Variants in LURAP1L observed in about 807,000 individuals in gnomAD.
LURAP1L encodes leucine rich adaptor protein 1 like.
A neutral mutation model predicts 13.8 loss-of-function variants in LURAP1L; 12 were observed. The ratio of observed to expected loss-of-function variants is 0.87; its 90% CI spans 0.56 to 1.41. LURAP1L has a LOEUF of 1.41. Among genes scored for constraint, LURAP1L ranks in the 40% most tolerant of loss-of-function variants. The probability of loss-of-function intolerance (pLI) is 0.00; values close to 1 mark genes in which losing one functional copy is unlikely to be tolerated. For missense variants in LURAP1L, 375 were observed against 292.9 expected (o/e 1.28, Z -2.04); for synonymous variants, 139 against 119.2 (o/e 1.17, Z -1.08).
chr9:12,781,322 C>G (rs942304501), intron 1 of LURAP1L, among the ~76,000 whole-genome samples: 1 of 152,080 alleles, frequency 6.6e-6, no homozygotes, highest in African/African-American at 2.4e-5. Flanking sequence ...TGTAGTCACC[C>G]TGTTGTACTA....
intron 1 of LURAP1L, among the ~76,000 whole-genome samples, chr9:12,776,529 A>G (rs757859281): frequency 6.6e-6 from 1 of 151,748 alleles, no homozygotes; most frequent in East Asian, 2.0e-4. Context: ...TTCCACCAGT[A>G]CCGCTCCGCC....
chr9:12,821,491 A>T lies in LURAP1L; in HGVS notation c.418A>T (p.Ser140Cys). The T allele has an allele frequency of 6.2e-7, 1 of 1,614,196 alleles. No individual in the cohort carries two copies. Among genetic ancestry groups the T allele is most frequent in the Non-Finnish European group, 8.5e-7 (1 of 1,180,030 alleles). ...WMIEEKATIT[S>C]RGSSLSGSLC... ...GATCGAAGAAAAAGCCACCATTACC[A>T]GCAGAGGCAGCAGCCTCAGTGGCAG... is the stretch of plus-strand genomic sequence containing the variant. Residue 140 changes from serine (S) to cysteine (C), a missense_variant, in exon 2 of 2, where the codon AGC becomes TGC. Physicochemically the swap from Ser to Cys is moderately radical, Grantham distance 112. Coordinates refer to ENST00000319264, the MANE Select transcript of LURAP1L (RefSeq NM_203403.2).
chr9:12,797,023 C>A (rs915367897), intron 1 of LURAP1L, among the ~76,000 whole-genome samples: 1 of 151,968 alleles, frequency 6.6e-6, no homozygotes, highest in African/African-American at 2.4e-5. Context: ...CTATTATTAT[C>A]ACTGGGGTTC....
intron 1 of LURAP1L, among the ~76,000 whole-genome samples, chr9:12,812,078 A>G (rs1819744328): frequency 6.6e-6 from 1 of 152,226 alleles, no homozygotes; most frequent in African/African-American, 2.4e-5. Flanking sequence ...CATTTGAGAG[A>G]GTGTGCCCAA....
intron 1 of LURAP1L, among the ~76,000 whole-genome samples, chr9:12,798,461 C>G (rs1051781575): frequency 1.3e-5 from 2 of 152,190 alleles, no homozygotes; most frequent in African/African-American, 4.8e-5. Flanking sequence ...TCAATTAAGT[C>G]TGCATTGCCT....
At chr9:12,807,295 C>A (rs192877874) in intron 1 of LURAP1L, among the ~76,000 whole-genome samples, 20 of 151,926 alleles carry the variant, frequency 1.3e-4, no homozygotes, top group East Asian at 3.9e-4. Context: ...AACTAACTAA[C>A]TAAATAAATA....
intron 1 of LURAP1L, among the ~76,000 whole-genome samples, chr9:12,806,568 G>A (rs1200130347): frequency 1.3e-5 from 2 of 151,790 alleles, no homozygotes; most frequent in African/African-American, 4.8e-5. Context: ...ATTTTATCAT[G>A]GAAGAGACAT....
chr9:12,800,786 A>T lies in LURAP1L; in HGVS notation c.313-20600A>T, dbSNP rs1422492642. Among the ~76,000 whole-genome samples the T allele has an allele frequency of 2.6e-5, 4 of 152,264 alleles. No individual in the cohort carries two copies. The East Asian group carries it at 7.7e-4, about 29-fold the overall frequency. On this transcript the variant is annotated intron_variant, in intron 1 of 1. Transcript: ENST00000319264. ...CAGATGCCAGCATCATGCTTCCTAT[A>T]TAGCCTTCAGAACCATGAGCTGAAC... is the stretch of plus-strand genomic sequence containing the variant.
chr9:12,797,602 G>C (rs1385281934), intron 1 of LURAP1L, among the ~76,000 whole-genome samples: 1 of 151,982 alleles, frequency 6.6e-6, no homozygotes, highest in Non-Finnish European at 1.5e-5. Context: ...TTGAGCAAAA[G>C]TTTGAGCTTT....
chr9:12,801,129 A>T (rs1819579951), intron 1 of LURAP1L, among the ~76,000 whole-genome samples: 1 of 152,158 alleles, frequency 6.6e-6, no homozygotes, highest in African/African-American at 2.4e-5. Flanking sequence ...TGGTGCAAAA[A>T]TAATTTCCCA....
chr9:12,803,400 A>G (rs1819614038), intron 1 of LURAP1L, among the ~76,000 whole-genome samples: 1 of 152,232 alleles, frequency 6.6e-6, no homozygotes, highest in Admixed American at 6.5e-5. Context: ...TTACTGGTGG[A>G]ACCAAGACTA....
At chr9:12,807,288 T>A (rs1819673956) in intron 1 of LURAP1L, among the ~76,000 whole-genome samples, 1 of 151,630 alleles carries the variant, frequency 6.6e-6, no homozygotes, top group Non-Finnish European at 1.5e-5. Context: ...ACTGACTAAC[T>A]AACTAACTAA....
intron 1 of LURAP1L, among the ~76,000 whole-genome samples, chr9:12,782,019 G>A (rs1303564820): frequency 6.6e-6 from 1 of 152,180 alleles, no homozygotes; most frequent in Admixed American, 6.5e-5. Flanking sequence ...ATTATGTTGA[G>A]CACTTTTGAA....
chr9:12,820,274 G>C (rs921956476), intron 1 of LURAP1L, among the ~76,000 whole-genome samples: 9 of 152,162 alleles, frequency 5.9e-5, no homozygotes, highest in African/African-American at 2.2e-4. Context: ...GGAGGCCGAG[G>C]CGGGCGGATC....
At position 12,821,756 on chromosome 9, in the gene LURAP1L, G is replaced by T. The variant is rs988371782; in HGVS notation, c.683G>T (p.Gly228Val). 1.1e-5 allele frequency: 18 copies of T among 1,607,322 alleles called. No homozygotes were observed. Among genetic ancestry groups the T allele is most frequent in the Non-Finnish European group, 1.4e-5 (17 of 1,174,672 alleles). ...TTGGATTCTGAATACTACTGCTTTG[G>T]CTAGTGACAGTTTTTTGCATGGGAC... ...PKLDSEYYCF[G>V] Residue 228 changes from glycine (G) to valine (V), a missense_variant, in exon 2 of 2, where the codon GGC (glycine) becomes GTC (valine). Coordinates refer to ENST00000319264, the MANE Select transcript of LURAP1L (RefSeq NM_203403.2).
At chr9:12,817,641 T>G (rs1033373907) in intron 1 of LURAP1L, among the ~76,000 whole-genome samples, 2 of 152,190 alleles carry the variant, frequency 1.3e-5, no homozygotes, top group Admixed American at 6.5e-5. Context: ...CAGAGTCAAG[T>G]TGAGGGACCT....
chr9:12,809,501 C>T (rs1014065973), intron 1 of LURAP1L, among the ~76,000 whole-genome samples: 4 of 152,152 alleles, frequency 2.6e-5, no homozygotes, highest in African/African-American at 9.7e-5. Flanking sequence ...CATCTCTCTG[C>T]TTTTATTACT....
At chr9:12,792,512 A>G (rs1034114121) in intron 1 of LURAP1L, among the ~76,000 whole-genome samples, 6 of 152,110 alleles carry the variant, frequency 3.9e-5, no homozygotes, top group African/African-American at 9.7e-5. Context: ...TTTAAATACA[A>G]TATTTGCAGC....
chr9:12,797,121 T>C (rs2118503699), intron 1 of LURAP1L, among the ~76,000 whole-genome samples: 1 of 152,090 alleles, frequency 6.6e-6, no homozygotes, highest in South Asian at 2.1e-4. Context: ...ACATACACAT[T>C]ATCAACAACC....
Sources: gnomAD v4.1 joint callset for allele counts (sites outside exome capture counted in the v4.1 genomes callset) on GRCh38, gnomAD v4.1.1 for gene constraint, MANE v1.5 for transcripts, NCBI Gene and HGNC (gene_info 2026-07-23, HGNC 2026-07-21) for gene names.